DACH2: variants seen among roughly 807,000 people sequenced by gnomAD.
DACH2 encodes dachshund family transcription factor 2.
A neutral mutation model predicts 35.8 loss-of-function variants in DACH2; 17 were observed. The observed-to-expected ratio is 0.48, with a 90% confidence interval of 0.33 to 0.71. DACH2 has a LOEUF of 0.71. Among genes scored for constraint, DACH2 ranks in the 30% least tolerant of loss-of-function variants. The pLI is 0.02. For missense variants in DACH2, 469 were observed against 472.7 expected, an observed-to-expected ratio of 0.99 and a Z score of 0.07; for synonymous variants, 195 against 177.3, an observed-to-expected ratio of 1.10 and a Z score of -0.79.
chrX:86,484,253 T>A (rs2037986682), intron 2 of DACH2, among the ~76,000 whole-genome samples: 1 of 111,786 alleles, frequency 8.9e-6, no homozygotes, highest in Admixed American at 9.5e-5. Context: ...CTGATTTAGC[T>A]GAATAGAATC....
At chrX:86,697,677 A>G (rs2041082945) in intron 5 of DACH2, among the ~76,000 whole-genome samples, 1 of 92,682 alleles carries the variant, frequency 1.1e-5, no homozygotes, top group African/African-American at 4.3e-5. Context: ...CCCTAAGAAA[A>G]AATCAAAAGA....
chrX:86,451,369 G>T (rs1436992656), intron 2 of DACH2, among the ~76,000 whole-genome samples: 2 of 111,233 alleles, frequency 1.8e-5, no homozygotes, highest in Non-Finnish European at 3.8e-5. Context: ...GATGGTTGTA[G>T]GTGTGCCATC....
intron 7 of DACH2, among the ~76,000 whole-genome samples, chrX:86,805,636 T>G (rs2147342415): frequency 9.0e-6 from 1 of 111,356 alleles, no homozygotes; most frequent in East Asian, 2.8e-4. Flanking sequence ...AAACATAAGT[T>G]CCAGTATCAG....
intron 2 of DACH2, among the ~76,000 whole-genome samples, chrX:86,507,562 C>CCTGA (rs2038342590): frequency 9.1e-6 from 1 of 110,090 alleles, no homozygotes; most frequent in Admixed American, 9.7e-5. Context: ...CCCCAGGAAA[C>CCTGA]CTGATACCTT....
chrX:86,740,795 G>A (rs997541672), intron 7 of DACH2, among the ~76,000 whole-genome samples: 7 of 109,697 alleles, frequency 6.4e-5, no homozygotes, highest in East Asian at 5.9e-4. Context: ...ATTATTGAGC[G>A]GTGAAATGAA....
intron 3 of DACH2, among the ~76,000 whole-genome samples, chrX:86,525,015 G>A (rs184476003): frequency 4.4e-4 from 49 of 111,633 alleles, no homozygotes; most frequent in African/African-American, 1.6e-3. Flanking sequence ...AATCTGGTGA[G>A]GTAAGCATTT....
intron 1 of DACH2, among the ~76,000 whole-genome samples, chrX:86,178,763 T>C (rs2031384793): frequency 9.0e-6 from 1 of 111,532 alleles, no homozygotes; most frequent in African/African-American, 3.3e-5. Flanking sequence ...TTAATAAGCC[T>C]CATGTACATA....
chrX:86,166,141 G>C (rs2030936423), intron 1 of DACH2, among the ~76,000 whole-genome samples: 1 of 111,125 alleles, frequency 9.0e-6, no homozygotes. Context: ...TGAGTTTACT[G>C]TAGGTTTGTG....
At chrX:86,412,386 C>T (rs755859993) in intron 2 of DACH2, among the ~76,000 whole-genome samples, 19 of 111,676 alleles carry the variant, frequency 1.7e-4, no homozygotes, top group Non-Finnish European at 3.2e-4. Context: ...ATATTGGATG[C>T]TGATTCAGAG....
chrX:86,788,067 A>C (rs1385417795), intron 7 of DACH2, among the ~76,000 whole-genome samples: 1 of 110,937 alleles, frequency 9.0e-6, no homozygotes, highest in Non-Finnish European at 1.9e-5. Context: ...GGCTGTCTGC[A>C]TAGGTAGTGG....
At position 86,407,728 on chromosome X, in the gene DACH2, A is replaced by G. The variant is rs187273659; in HGVS notation, c.527+30866A>G. Among the ~76,000 whole-genome samples, 51 of 111,976 alleles carry G rather than the reference A, an allele frequency of 4.6e-4. No homozygotes were observed. In the East Asian group the frequency reaches 0.014, roughly 30 times the overall value. ...AAAGATTTAAAAGCATGGGGGTTAC[A>G]TGTGAGAAGGATAGGCAGAGCATTG... is the stretch of plus-strand genomic sequence containing the variant. On this transcript the variant is annotated intron_variant, in intron 2 of 11. Transcript: ENST00000373125.
intron 1 of DACH2, among the ~76,000 whole-genome samples, chrX:86,244,397 G>C (rs1278030599): frequency 8.9e-6 from 1 of 112,154 alleles, no homozygotes; most frequent in African/African-American, 3.2e-5. Flanking sequence ...TTATTAGATG[G>C]AGGTGTAAGC....
At chrX:86,649,768 C>T (rs769722199) in intron 3 of DACH2, among the ~76,000 whole-genome samples, 1 of 111,221 alleles carries the variant, frequency 9.0e-6, no homozygotes, top group African/African-American at 3.3e-5. Context: ...ACGGTTTAGG[C>T]TGTATTTACC....
intron 3 of DACH2, among the ~76,000 whole-genome samples, chrX:86,563,763 C>G (rs766187449): frequency 3.6e-5 from 4 of 110,619 alleles, no homozygotes; most frequent in Non-Finnish European, 5.7e-5. Context: ...GCACTGCTAT[C>G]TCCCATGTCT....
chrX:86,224,067 C>T (rs1361085614), intron 1 of DACH2, among the ~76,000 whole-genome samples: 5 of 111,197 alleles, frequency 4.5e-5, no homozygotes, highest in African/African-American at 1.6e-4. Context: ...TCTGTTTTGC[C>T]TCTGGGGCTA....
intron 5 of DACH2, among the ~76,000 whole-genome samples, chrX:86,709,324 A>G (rs1265340348): frequency 8.9e-6 from 1 of 111,931 alleles, no homozygotes; most frequent in Non-Finnish European, 1.9e-5. Flanking sequence ...GCATTTTTCT[A>G]CAAATTACAG....
intron 2 of DACH2, among the ~76,000 whole-genome samples, chrX:86,455,762 G>A (rs1014249149): frequency 1.8e-5 from 2 of 112,385 alleles, no homozygotes; most frequent in Non-Finnish European, 3.8e-5. Context: ...CCAAGCCAGC[G>A]GATCTTAACT....
intron 5 of DACH2, among the ~76,000 whole-genome samples, chrX:86,696,533 C>T (rs189210480): frequency 3.6e-5 from 4 of 111,671 alleles, no homozygotes; most frequent in Admixed American, 1.9e-4. Flanking sequence ...AGTCATTACT[C>T]CCATCCTTGC....
At chrX:86,344,864 A>G (rs1345706157) in intron 1 of DACH2, among the ~76,000 whole-genome samples, 1 of 111,641 alleles carries the variant, frequency 9.0e-6, no homozygotes, top group Non-Finnish European at 1.9e-5. Context: ...TTACAGGATT[A>G]TCTTTCTAAG....
Sources: allele counts gnomAD v4.1 joint callset (sites outside exome capture counted in the v4.1 genomes callset), GRCh38; gene constraint gnomAD v4.1.1; transcripts MANE v1.5; gene names NCBI Gene and HGNC (gene_info 2026-07-23, HGNC 2026-07-21).